The following SAMD12 variants were observed in gnomAD, a reference collection of about 807,000 sequenced individuals.
The protein encoded by SAMD12 is sterile alpha motif domain containing 12.
SAMD12 carries 9 observed loss-of-function variants against 15.0 expected under a neutral mutation model. The ratio of observed to expected loss-of-function variants is 0.60; its 90% CI spans 0.36 to 1.05. The LOEUF (loss-of-function observed/expected upper bound fraction) is 1.05, where lower values mean the gene tolerates loss of function less well. Among genes scored for constraint, SAMD12 ranks in the 50% least tolerant of loss-of-function variants. SAMD12 has a pLI of 0.01. For missense variants in SAMD12, 230 were observed against 234.2 expected (o/e 0.98, Z 0.12); for synonymous variants, 86 against 90.1 (o/e 0.96, Z 0.25).
At chr8:118,395,416 G>C (rs1394681011) in intron 3 of SAMD12, among the ~76,000 whole-genome samples, 1 of 152,016 alleles carries the variant, frequency 6.6e-6, no homozygotes, top group African/African-American at 2.4e-5. Flanking sequence ...CTCAAATTGA[G>C]CTGTCTCTTA....
Position 118,212,062 on chromosome 8 carries a change from TTG to T in SAMD12, c.434-14332_434-14331del, listed in dbSNP as rs35939969. ...AAGATTTGTGTGTGTGTTGCAGATTTTGTGTGTGTGTGTGTGTGTGTTTGTGT... is the reference window on the plus strand; with the variant it reads ...AAGATTTGTGTGTGTGTTGCAGATTTTGTGTGTGTGTGTGTGTGTTTGTGT... On this transcript the variant is annotated intron_variant, in intron 4 of 4. Transcript: ENST00000409003. 2.8e-3 allele frequency among the ~76,000 whole-genome samples: 426 copies of T among 150,766 alleles called. 1 individual carries two copies. The highest frequency in any genetic ancestry group is 8.4e-3 in the African/African-American group (347 of 41,102).
exon 5 of SAMD12, chr8:118,193,563 T>C (rs1819467834): frequency 6.6e-6 from 1 of 152,212 alleles, no homozygotes; most frequent in African/African-American, 2.4e-5. Flanking sequence ...AGGGCTGCAC[T>C]GGGATTAATT....
At chr8:118,558,939 C>T (rs1055234040) in intron 2 of SAMD12, among the ~76,000 whole-genome samples, 6 of 152,190 alleles carry the variant, frequency 3.9e-5, no homozygotes, top group African/African-American at 1.4e-4. Context: ...GTTGTTCAAC[C>T]AGACTTGTCA....
At chr8:118,467,911 G>A (rs1823643723) in intron 2 of SAMD12, among the ~76,000 whole-genome samples, 1 of 152,180 alleles carries the variant, frequency 6.6e-6, no homozygotes, top group Non-Finnish European at 1.5e-5. Flanking sequence ...AAGACTCATG[G>A]CATTATGGAC....
intron 2 of SAMD12, among the ~76,000 whole-genome samples, chr8:118,441,075 G>T (rs1215662372): frequency 6.6e-6 from 1 of 152,052 alleles, no homozygotes; most frequent in Non-Finnish European, 1.5e-5. Context: ...CCTTCATTTG[G>T]TAGGAGTGTG....
intron 4 of SAMD12, among the ~76,000 whole-genome samples, chr8:118,219,126 C>CT (rs1812028187): frequency 1.3e-5 from 2 of 152,136 alleles, no homozygotes; most frequent in African/African-American, 2.4e-5. Context: ...TCACCTCACT[C>CT]TTTTTTTACG....
At chr8:118,534,859 G>T (rs575089631) in intron 2 of SAMD12, among the ~76,000 whole-genome samples, 1 of 152,190 alleles carries the variant, frequency 6.6e-6, no homozygotes, top group East Asian at 1.9e-4. Flanking sequence ...TTTTTTTCAA[G>T]ATTTTTAGCT....
At position 118,253,100 on chromosome 8, in the gene SAMD12, T is replaced by C. The variant is rs28370862; in HGVS notation, c.434-55368A>G. 4.8e-3 allele frequency among the ~76,000 whole-genome samples: 730 copies of C among 152,282 alleles called. 6 individuals carry two copies. Among genetic ancestry groups the C allele is most frequent in the African/African-American group, 0.017 (690 of 41,558 alleles). On this transcript the variant is annotated intron_variant, in intron 4 of 4. Transcript: ENST00000409003. Reference sequence around the variant, plus strand: ...AATGTCTCAGCCAATGTGGCTGCTTTAGTGAGAGATGGAACACTGTCTGGA... The same window carrying C: ...AATGTCTCAGCCAATGTGGCTGCTTCAGTGAGAGATGGAACACTGTCTGGA...
At chr8:118,447,284 T>G (rs1422360533) in intron 2 of SAMD12, among the ~76,000 whole-genome samples, 1 of 152,028 alleles carries the variant, frequency 6.6e-6, no homozygotes, top group Non-Finnish European at 1.5e-5. Context: ...CTTTCCTTCC[T>G]TCCCCTCAGT....
At chr8:118,210,396 G>A (rs1563696427) in intron 4 of SAMD12, among the ~76,000 whole-genome samples, 1 of 152,154 alleles carries the variant, frequency 6.6e-6, no homozygotes, top group Non-Finnish European at 1.5e-5. Flanking sequence ...CCCTAAGGAA[G>A]TGTAGTCTGC....
chr8:118,233,417 A>G lies in SAMD12; in HGVS notation c.434-35685T>C, dbSNP rs576531054. On this transcript the variant is annotated intron_variant, in intron 4 of 4. Transcript: ENST00000409003. Reference sequence around the variant, plus strand: ...TCAAGAGTAATTGACATCTTCCCGGACCTCTGTAGTAGAAAGAAGATAGTT... The same window carrying G: ...TCAAGAGTAATTGACATCTTCCCGGGCCTCTGTAGTAGAAAGAAGATAGTT... Among the ~76,000 whole-genome samples the G allele has an allele frequency of 2.6e-5, 4 of 152,188 alleles. No homozygotes were observed. The East Asian group carries it at 7.7e-4, about 29-fold the overall frequency.
chr8:118,351,884 A>C (rs903035114), intron 4 of SAMD12, among the ~76,000 whole-genome samples: 1 of 152,204 alleles, frequency 6.6e-6, no homozygotes, highest in Admixed American at 6.5e-5. Flanking sequence ...TCCAGTTCAC[A>C]GTTCTCATTC....
intron 4 of SAMD12, among the ~76,000 whole-genome samples, chr8:118,236,128 GT>G (rs1812424259): frequency 6.6e-6 from 1 of 152,150 alleles, no homozygotes; most frequent in South Asian, 2.1e-4. Flanking sequence ...GCTCTGGCTT[GT>G]GACTACTTCA....
At chr8:118,424,760 C>T (rs556870176) in intron 3 of SAMD12, among the ~76,000 whole-genome samples, 13 of 152,162 alleles carry the variant, frequency 8.5e-5, no homozygotes, top group African/African-American at 2.9e-4. Context: ...TCAGTTTCCT[C>T]CATCAATAAC....
At chr8:118,498,652 T>C (rs532886317) in intron 2 of SAMD12, among the ~76,000 whole-genome samples, 61 of 152,356 alleles carry the variant, frequency 4.0e-4, no homozygotes, top group Non-Finnish European at 7.2e-4. Context: ...TCATGGCTTA[T>C]GGTGTATAGC....
chr8:118,316,721 A>G (rs928564184), intron 4 of SAMD12, among the ~76,000 whole-genome samples: 7 of 152,026 alleles, frequency 4.6e-5, no homozygotes, highest in Non-Finnish European at 7.4e-5. Flanking sequence ...GTGTTATGGA[A>G]TGAATTGTGT....
chr8:118,273,072 T>G (rs1251833289), intron 4 of SAMD12, among the ~76,000 whole-genome samples: 1 of 152,214 alleles, frequency 6.6e-6, no homozygotes, highest in Non-Finnish European at 1.5e-5. Flanking sequence ...TCTGTTCTCA[T>G]GCTGCTAATA....
intron 2 of SAMD12, among the ~76,000 whole-genome samples, chr8:118,512,574 T>C (rs1438490219): frequency 1.3e-5 from 2 of 152,208 alleles, no homozygotes; most frequent in East Asian, 3.8e-4. Flanking sequence ...TTGTTAGAAA[T>C]ACTGAGTTTT....
downstream of SAMD12, among the ~76,000 whole-genome samples, chr8:118,186,182 T>A (rs1369322931): frequency 6.6e-6 from 1 of 152,194 alleles, no homozygotes. Context: ...TATATCATAT[T>A]TTCAGAGCTG....
Sources: allele counts gnomAD v4.1 joint callset (sites outside exome capture counted in the v4.1 genomes callset), GRCh38; gene constraint gnomAD v4.1.1; transcripts MANE v1.5; gene names NCBI Gene and HGNC (gene_info 2026-07-23, HGNC 2026-07-21).